The following DLG2 variants were observed in gnomAD, a reference collection of about 807,000 sequenced individuals.
DLG2 encodes discs large MAGUK scaffold protein 2, also known as disks large homolog 2.
Under a neutral mutation model 132.5 loss-of-function variants are expected in DLG2, and 45 were observed. That is an observed-to-expected ratio of 0.34 (90% CI 0.27 to 0.44). The LOEUF is 0.44. DLG2 is among the 20% of genes least tolerant of loss of function. DLG2 has a pLI of 1.00. For missense variants in DLG2, 1,045 were observed against 1,196.9 expected (o/e 0.87, Z 1.87); for synonymous variants, 424 against 419.6 (o/e 1.01, Z -0.13).
At chr11:83,802,989 C>A (rs1353904770) in intron 17 of DLG2, among the ~76,000 whole-genome samples, 1 of 151,910 alleles carries the variant, frequency 6.6e-6, no homozygotes, top group Non-Finnish European at 1.5e-5. Flanking sequence ...TGTATCATAA[C>A]AATTTTAAAA....
intron 4 of DLG2, among the ~76,000 whole-genome samples, chr11:85,171,848 T>A (rs1445177327): frequency 1.3e-5 from 2 of 152,186 alleles, no homozygotes; most frequent in Non-Finnish European, 2.9e-5. Context: ...CCATGCCAGA[T>A]CATGGCCAGA....
At chr11:84,502,065 TTTTC>T (rs1318167757) in intron 7 of DLG2, among the ~76,000 whole-genome samples, 1 of 151,812 alleles carries the variant, frequency 6.6e-6, no homozygotes, top group African/African-American at 2.4e-5. Flanking sequence ...TCTTTTTTTC[TTTTC>T]TTTTTCCTTC....
chr11:85,071,852 T>C (rs1012728926), intron 6 of DLG2, among the ~76,000 whole-genome samples: 12 of 151,832 alleles, frequency 7.9e-5, no homozygotes, highest in Non-Finnish European at 1.5e-4. Flanking sequence ...CTCTCTCTTG[T>C]GTTCAGAAAT....
At chr11:85,213,086 GA>G (rs1218707300) in intron 4 of DLG2, among the ~76,000 whole-genome samples, 3 of 151,700 alleles carry the variant, frequency 2.0e-5, no homozygotes, top group Non-Finnish European at 1.5e-5. Flanking sequence ...AAGAGGGAAA[GA>G]AAAAAAACCA....
chr11:84,221,819 A>G (rs116620108), intron 8 of DLG2, among the ~76,000 whole-genome samples: 19 of 152,304 alleles, frequency 1.2e-4, no homozygotes, highest in African/African-American at 4.3e-4. Flanking sequence ...GCAAGTGCTT[A>G]CTAAGTGAAG....
At chr11:84,634,088 G>C (rs2099636605) in intron 6 of DLG2, among the ~76,000 whole-genome samples, 1 of 152,150 alleles carries the variant, frequency 6.6e-6, no homozygotes, top group South Asian at 2.1e-4. Flanking sequence ...GGCATCTGCA[G>C]CTTGGGCATT....
At chr11:84,234,189 G>A (rs905848706) in intron 8 of DLG2, among the ~76,000 whole-genome samples, 11 of 152,142 alleles carry the variant, frequency 7.2e-5, no homozygotes, top group Non-Finnish European at 1.5e-4. Context: ...CTGAAAGGAT[G>A]CCAACAACAT....
At chr11:83,516,002 T>A (rs2095279495) in intron 21 of DLG2, among the ~76,000 whole-genome samples, 1 of 152,210 alleles carries the variant, frequency 6.6e-6, no homozygotes, top group Non-Finnish European at 1.5e-5. Flanking sequence ...GTATATTCTG[T>A]TGATTTGGGG....
At chr11:84,326,568 A>C (rs2098434250) in intron 7 of DLG2, among the ~76,000 whole-genome samples, 1 of 151,978 alleles carries the variant, frequency 6.6e-6, no homozygotes, top group African/African-American at 2.4e-5. Flanking sequence ...GTTTTATTTC[A>C]TTGTAGTTGG....
At chr11:84,439,738 G>T (rs1187450356) in intron 7 of DLG2, among the ~76,000 whole-genome samples, 2 of 152,138 alleles carry the variant, frequency 1.3e-5, no homozygotes, top group African/African-American at 4.8e-5. Context: ...CACACAAGTT[G>T]TTCCAAGCCA....
intron 11 of DLG2, among the ~76,000 whole-genome samples, chr11:84,013,926 C>CCAAAACT (rs2095033692): frequency 6.9e-6 from 1 of 144,502 alleles, no homozygotes; most frequent in South Asian, 2.2e-4. Flanking sequence ...CCTTAATTAA[C>CCAAAACT]CAAAACTCAT....
chr11:83,710,651 G>A (rs2085193338), intron 18 of DLG2, among the ~76,000 whole-genome samples: 1 of 152,046 alleles, frequency 6.6e-6, no homozygotes, highest in African/African-American at 2.4e-5. Context: ...AGATGTGGAC[G>A]GCATAACCAA....
chr11:85,220,609 C>T (rs936698075), intron 4 of DLG2, among the ~76,000 whole-genome samples: 1 of 148,782 alleles, frequency 6.7e-6, no homozygotes, highest in African/African-American at 2.5e-5. Flanking sequence ...TCCTAAGAGA[C>T]AAGTTTATTA....
chr11:84,554,573 C>A (rs1216427909), intron 6 of DLG2, among the ~76,000 whole-genome samples: 2 of 152,054 alleles, frequency 1.3e-5, no homozygotes, highest in Non-Finnish European at 2.9e-5. Context: ...ATGGAGAAAT[C>A]CCGTCTCTTC....
intron 6 of DLG2, among the ~76,000 whole-genome samples, chr11:84,606,936 G>A (rs1202812796): frequency 6.6e-6 from 1 of 152,030 alleles, no homozygotes; most frequent in Non-Finnish European, 1.5e-5. Context: ...TCTGAATTGT[G>A]TTTTATTTAC....
chr11:85,199,356 C>T (rs1482728450), intron 4 of DLG2, among the ~76,000 whole-genome samples: 1 of 151,946 alleles, frequency 6.6e-6, no homozygotes, highest in Non-Finnish European at 1.5e-5. Context: ...ACAGCTAATC[C>T]CCAGGGACAA....
chr11:84,981,567 T>C (rs2055744819), intron 6 of DLG2, among the ~76,000 whole-genome samples: 1 of 152,194 alleles, frequency 6.6e-6, no homozygotes, highest in Non-Finnish European at 1.5e-5. Context: ...ACTCATTTTT[T>C]TCTGTTTTGC....
At chr11:83,771,841 A>C (rs560401273) in intron 18 of DLG2, among the ~76,000 whole-genome samples, 1 of 152,222 alleles carries the variant, frequency 6.6e-6, no homozygotes, top group Admixed American at 6.5e-5. Context: ...TGACTATTGC[A>C]TAATGAAAAC....
At chr11:84,510,918 C>G (rs1478641367) in intron 7 of DLG2, among the ~76,000 whole-genome samples, 1 of 151,934 alleles carries the variant, frequency 6.6e-6, no homozygotes, top group Non-Finnish European at 1.5e-5. Context: ...CTCCCCCATA[C>G]AGGGACAGAG....
Sources: gnomAD v4.1 joint callset for allele counts (sites outside exome capture counted in the v4.1 genomes callset) on GRCh38, gnomAD v4.1.1 for gene constraint, MANE v1.5 for transcripts, NCBI Gene and HGNC (gene_info 2026-07-23, HGNC 2026-07-21) for gene names.